The following INSC variants were observed in gnomAD, a reference collection of about 807,000 sequenced individuals.
INSC encodes protein inscuteable homolog.
Under a neutral mutation model 58.6 loss-of-function variants are expected in INSC, and 67 were observed. The observed-to-expected ratio is 1.14, with a 90% CI of 0.94 to 1.40. INSC has a LOEUF of 1.40. Ranked by LOEUF, INSC falls within the 40% of genes most tolerant of loss-of-function variation. The pLI, the probability that INSC is intolerant of heterozygous loss-of-function variation, is 0.00. For synonymous variants in INSC, 262 were observed against 276.1 expected (o/e 0.95, Z 0.51); for missense variants, 714 against 692.0 (o/e 1.03, Z -0.36).
chr11:15,261,626 T>A, the INSC span, among the ~76,000 whole-genome samples: 1 of 152,210 alleles, frequency 6.6e-6, no homozygotes, highest in Middle Eastern at 3.4e-3. Flanking sequence ...AATGTAAACT[T>A]TGGTATTTTG....
At chr11:15,156,746 G>T (rs1848827439) in intron 2 of INSC, among the ~76,000 whole-genome samples, 1 of 152,220 alleles carries the variant, frequency 6.6e-6, no homozygotes. Context: ...GGAGCAGAAG[G>T]TTCTTGGTAC....
chr11:15,132,003 G>A (rs73414680), intron 1 of INSC, among the ~76,000 whole-genome samples: 1 of 151,712 alleles, frequency 6.6e-6, no homozygotes, highest in Non-Finnish European at 1.5e-5. Context: ...TTCTTTCTTT[G>A]TTTGGATTAA....
At chr11:15,212,195 G>A (rs997371336) in intron 7 of INSC, among the ~76,000 whole-genome samples, 7 of 151,986 alleles carry the variant, frequency 4.6e-5, no homozygotes, top group African/African-American at 1.7e-4. Flanking sequence ...TCCGCCTCCC[G>A]GGTTCAAGCG....
intron 1 of INSC, among the ~76,000 whole-genome samples, chr11:15,148,441 G>A (rs1054811456): frequency 1.3e-5 from 2 of 152,142 alleles, no homozygotes; most frequent in African/African-American, 4.8e-5. Context: ...TCCCTTGTTC[G>A]GGTCCAACAG....
At chr11:15,243,548 C>T (rs1028519020) in intron 12 of INSC, among the ~76,000 whole-genome samples, 2 of 152,102 alleles carry the variant, frequency 1.3e-5, no homozygotes, top group Admixed American at 6.6e-5. Context: ...GTGCAGGGTC[C>T]TTTGAGGCTG....
At chr11:15,147,860 A>G (rs1200268496) in intron 1 of INSC, among the ~76,000 whole-genome samples, 1 of 152,206 alleles carries the variant, frequency 6.6e-6, no homozygotes, top group Non-Finnish European at 1.5e-5. Flanking sequence ...CCACATCACT[A>G]TTAAAGTGCT....
chr11:15,208,764 C>T (rs909987138), intron 7 of INSC, among the ~76,000 whole-genome samples: 1 of 152,172 alleles, frequency 6.6e-6, no homozygotes. Flanking sequence ...GAGCAGGCTC[C>T]ATCCGCAGAG....
At chr11:15,262,222 A>G in the INSC span, among the ~76,000 whole-genome samples, 1 of 152,138 alleles carries the variant, frequency 6.6e-6, no homozygotes, top group African/African-American at 2.4e-5. Flanking sequence ...CCTGACTGAC[A>G]CACATTGAAA....
chr11:15,138,490 C>T (rs772811092), intron 1 of INSC, among the ~76,000 whole-genome samples: 1 of 152,250 alleles, frequency 6.6e-6, no homozygotes, highest in Non-Finnish European at 1.5e-5. Context: ...GGAGGGGAAA[C>T]ACTGAGCCAC....
intron 1 of INSC, among the ~76,000 whole-genome samples, chr11:15,126,310 G>T (rs1239935943): frequency 6.6e-6 from 1 of 152,250 alleles, no homozygotes; most frequent in African/African-American, 2.4e-5. Flanking sequence ...ATGCAATGGT[G>T]TGGGGCTTTA....
intron 7 of INSC, among the ~76,000 whole-genome samples, chr11:15,202,575 C>T (rs552450243): frequency 3.2e-4 from 49 of 152,140 alleles, no homozygotes; most frequent in Non-Finnish European, 6.2e-4. Flanking sequence ...TAATTCCCTC[C>T]CTTCTCCTAT....
intron 2 of INSC, among the ~76,000 whole-genome samples, chr11:15,156,240 AG>A (rs1848810915): frequency 6.6e-6 from 1 of 152,178 alleles, no homozygotes; most frequent in Non-Finnish European, 1.5e-5. Flanking sequence ...AAACCAGACA[AG>A]GGTTTGAAAA....
chr11:15,153,534 G>A (rs1013568438), intron 2 of INSC, among the ~76,000 whole-genome samples: 4 of 152,212 alleles, frequency 2.6e-5, no homozygotes, highest in Non-Finnish European at 4.4e-5. Context: ...TTGTGAATGG[G>A]ATAATTGGAT....
intron 12 of INSC, among the ~76,000 whole-genome samples, chr11:15,241,061 CAAGT>C (rs1392462135): frequency 6.6e-6 from 1 of 152,138 alleles, no homozygotes; most frequent in Non-Finnish European, 1.5e-5. Flanking sequence ...TGAACACAAG[CAAGT>C]GTCTCCTAGG....
At position 15,175,891 on chromosome 11, in the gene INSC, C is replaced by T. The variant is rs371887212; in HGVS notation, c.207C>T (p.Gly69=). 6.2e-7 allele frequency: 1 copy of T among 1,613,986 alleles called. No homozygotes were observed. The highest frequency in any genetic ancestry group is 1.1e-5 in the South Asian group (1 of 91,084). Residue 69 remains glycine (G), a synonymous_variant, in exon 3 of 13, where the codon GGC becomes GGT. Transcript: ENST00000379556. Reference sequence around the variant, plus strand: ...ACCTCATCCTGGCAGGTGGCCCTGGCCCTGGAGACCCCCTGCAGCTGCTGC... The same window carrying T: ...ACCTCATCCTGGCAGGTGGCCCTGGTCCTGGAGACCCCCTGCAGCTGCTGC... ...QGDLILAGGP[G]PGDPLQLLLK...
chr11:15,148,968 T>A lies in INSC; in HGVS notation c.-45-162T>A. On this transcript the variant is annotated intron_variant, in intron 1 of 12. Transcript: ENST00000379556. ...GATCAAATCTGGGTTCTGCCTTACT[T>A]GTGTGAGGATACTGGAGTGTAAACT... 4 of 737,500 alleles carry A rather than the reference T, an allele frequency of 5.4e-6. No homozygotes were observed. The Admixed American group carries it at 1.6e-4, about 30-fold the overall frequency. The allele number at this position is 737,500 out of a possible 1,614,324, so 45.7% of individuals were successfully genotyped here.
At chr11:15,117,461 G>A (rs1242907754) in intron 1 of INSC, among the ~76,000 whole-genome samples, 2 of 152,212 alleles carry the variant, frequency 1.3e-5, no homozygotes, top group Non-Finnish European at 2.9e-5. Flanking sequence ...GGTGGCAGGG[G>A]AAGGAATTAT....
chr11:15,131,070 T>C (rs1848115011), intron 1 of INSC, among the ~76,000 whole-genome samples: 1 of 152,226 alleles, frequency 6.6e-6, no homozygotes, highest in South Asian at 2.1e-4. Context: ...AGAATTATTT[T>C]CCTCTTTTTC....
intron 6 of INSC, among the ~76,000 whole-genome samples, 170 bp downstream of exon 6, chr11:15,190,984 T>A (rs1196366890): frequency 6.7e-6 from 1 of 149,910 alleles, no homozygotes; most frequent in Non-Finnish European, 1.5e-5. Flanking sequence ...GTGCATTTTT[T>A]TTTTTTTTTT....
Sources: gnomAD v4.1 joint callset for allele counts (sites outside exome capture counted in the v4.1 genomes callset) on GRCh38, gnomAD v4.1.1 for gene constraint, MANE v1.5 for transcripts, NCBI Gene and HGNC (gene_info 2026-07-23, HGNC 2026-07-21) for gene names.